The following DENND2B variants were observed in gnomAD, a reference collection of about 807,000 sequenced individuals.
The protein encoded by DENND2B is DENN domain-containing protein 2B.
Under a neutral mutation model 116.0 loss-of-function variants are expected in DENND2B, and 32 were observed. The ratio of observed to expected loss-of-function variants is 0.28; its 90% CI spans 0.21 to 0.37. The LOEUF (loss-of-function observed/expected upper bound fraction) is 0.37, where lower values mean the gene tolerates loss of function less well. Ranked by LOEUF, DENND2B falls within the 10% of genes least tolerant of loss-of-function variation. DENND2B has a pLI of 1.00. For synonymous variants in DENND2B, 588 were observed against 583.9 expected (o/e 1.01, Z -0.10); for missense variants, 1,276 against 1,477.7 (o/e 0.86, Z 2.24).
At chr11:8,816,319 G>A (rs2061565753) in intron 4 of DENND2B, among the ~76,000 whole-genome samples, 1 of 152,170 alleles carries the variant, frequency 6.6e-6, no homozygotes, top group Non-Finnish European at 1.5e-5. Context: ...GCTGGGGTGG[G>A]AGAATTGCTT....
intron 1 of DENND2B, among the ~76,000 whole-genome samples, chr11:8,802,689 T>TTTTTCGCCACTGAGAAAAG (rs1565982588): frequency 4.6e-5 from 7 of 152,070 alleles, no homozygotes; most frequent in Non-Finnish European, 7.4e-5. Flanking sequence ...CAGAAAACAC[T>TTTTTCGCCACTGAGAAAAG]GGCATTTTTC....
Position 8,702,466 on chromosome 11 carries a change from C to G in DENND2B, c.2720+106G>C. 6.6e-7 allele frequency: 1 copy of G among 1,518,310 alleles called. No individual in the cohort carries two copies. Among genetic ancestry groups the G allele is most frequent in the African/African-American group, 1.4e-5 (1 of 72,642 alleles). 94.1% of individuals were successfully genotyped at this position (1,518,310 alleles called of 1,614,324 possible). A position where few individuals can be genotyped will look rare whatever the true frequency, so the allele number is the denominator to read the frequency against. On this transcript the variant is annotated intron_variant, in intron 14 of 19. Transcript: ENST00000313726. The surrounding 1 kb of genome is among the most constrained non-coding windows in gnomAD (Gnocchi z 4.6). ...CCATCTCCCTACGCACAGCCCCACT[C>G]CAGCACTGGTCTCCGGCGCCTGCTT...
At chr11:8,906,357 G>A (rs1298608599) in intron 1 of DENND2B, among the ~76,000 whole-genome samples, 15 of 150,864 alleles carry the variant, frequency 9.9e-5, no homozygotes, top group East Asian at 3.9e-4. Flanking sequence ...CTGCCACCAC[G>A]CCCAGCTAAT....
At chr11:8,810,710 T>C (rs1218548424), upstream of DENND2B, 1 of 152,242 alleles carries the variant, frequency 6.6e-6, no homozygotes, top group Non-Finnish European at 1.5e-5. Flanking sequence ...CCGGTTGTCA[T>C]GGAGACCCTG....
intron 2 of DENND2B, among the ~76,000 whole-genome samples, chr11:8,870,517 G>T (rs1038628587): frequency 1.3e-5 from 2 of 152,000 alleles, no homozygotes; most frequent in Admixed American, 6.5e-5. Flanking sequence ...GTATGTGTGT[G>T]TGTGTGTGCG....
intron 2 of DENND2B, among the ~76,000 whole-genome samples, chr11:8,865,430 C>A (rs1329735580): frequency 6.6e-6 from 1 of 152,058 alleles, no homozygotes; most frequent in Non-Finnish European, 1.5e-5. Context: ...CTGCATAAAA[C>A]AAAACACAAA....
intron 1 of DENND2B, among the ~76,000 whole-genome samples, chr11:8,889,042 T>C (rs1415008407): frequency 6.6e-6 from 1 of 152,056 alleles, no homozygotes; most frequent in East Asian, 1.9e-4. Flanking sequence ...AAGTTATAAA[T>C]AGAATTACCA....
chr11:8,729,856 T>TTGTAG, intron 3 of DENND2B, 94 bp downstream of exon 3: 4 of 1,499,932 alleles, frequency 2.7e-6, no homozygotes, highest in Non-Finnish European at 3.6e-6. Context: ...GAAGCACTAA[T>TTGTAG]GACTGCGACC....
chr11:8,697,123 G>A (rs1462807969), intron 17 of DENND2B, among the ~76,000 whole-genome samples: 2 of 152,138 alleles, frequency 1.3e-5, no homozygotes, highest in African/African-American at 4.8e-5. Flanking sequence ...AGCTGCAGAA[G>A]GCCAGAAACT....
chr11:8,784,801 G>A (rs1053865800), intron 1 of DENND2B, among the ~76,000 whole-genome samples: 1 of 151,036 alleles, frequency 6.6e-6, no homozygotes, highest in African/African-American at 2.4e-5. Flanking sequence ...TTGTGCCACT[G>A]CACTTCAGCC....
At chr11:8,694,981 G>A (rs1167236056) in intron 19 of DENND2B, among the ~76,000 whole-genome samples, 1 of 152,198 alleles carries the variant, frequency 6.6e-6, no homozygotes, top group Non-Finnish European at 1.5e-5. Flanking sequence ...AGGATCACGT[G>A]AGGCCAGAAG....
At chr11:8,862,032 G>A (rs1472806315) in intron 2 of DENND2B, among the ~76,000 whole-genome samples, 1 of 151,828 alleles carries the variant, frequency 6.6e-6, no homozygotes, top group African/African-American at 2.4e-5. Flanking sequence ...CACAGAAGGG[G>A]GAGGAAGGGA....
chr11:8,759,358 C>T (rs1436826181), intron 1 of DENND2B, among the ~76,000 whole-genome samples: 1 of 152,164 alleles, frequency 6.6e-6, no homozygotes, highest in Non-Finnish European at 1.5e-5. Context: ...GAAATGCAAG[C>T]ATTTGGAGGA....
chr11:8,784,086 G>C (rs943947554), intron 1 of DENND2B: 1 of 152,068 alleles, frequency 6.6e-6, no homozygotes, highest in Non-Finnish European at 1.5e-5. Context: ...AAGATTCTTG[G>C]GTAGAACTTC....
chr11:8,866,126 A>T (rs1199643018), intron 2 of DENND2B, among the ~76,000 whole-genome samples: 1 of 151,824 alleles, frequency 6.6e-6, no homozygotes, highest in Admixed American at 6.6e-5. Context: ...CGCCCAGCTA[A>T]TTTTTTGTAT....
At position 8,718,740 on chromosome 11, in the gene DENND2B, G is replaced by A. The variant is rs1046336829; in HGVS notation, c.1478-848C>T. Reference sequence around the variant, plus strand: ...CTAGTTCTAAAATCTCTGGCAGCGGGCATTGTATTGGCATTACCAGAAAAT... The same window carrying A: ...CTAGTTCTAAAATCTCTGGCAGCGGACATTGTATTGGCATTACCAGAAAAT... On this transcript the variant is annotated intron_variant, in intron 4 of 19. Transcript: ENST00000313726. 6.4e-6 allele frequency: 7 copies of A among 1,086,044 alleles called. No homozygotes were observed. In the Admixed American group the frequency reaches 3.3e-4, roughly 50 times the overall value. 67.3% of individuals were successfully genotyped at this position (1,086,044 alleles called of 1,614,324 possible). A position where few individuals can be genotyped will look rare whatever the true frequency, so the allele number is the denominator to read the frequency against.
intron 19 of DENND2B, 70 bp downstream of exon 19, chr11:8,695,393 C>A: frequency 1.4e-6 from 2 of 1,408,440 alleles, no homozygotes; most frequent in South Asian, 2.3e-5. Context: ...TTAGAGTATT[C>A]GGGAACACAA....
In DENND2B at chr11:8,702,724, C is replaced by T. The variant is rs1330444165; in HGVS notation, c.2572-4G>A. 3 of 1,610,782 alleles carry T rather than the reference C, an allele frequency of 1.9e-6. No homozygotes were observed. The highest frequency in any genetic ancestry group is 2.5e-6 in the Non-Finnish European group (3 of 1,178,432). The stretch of plus-strand genomic sequence containing the variant: ...TGGGCCGCCGCAGCTCTAACACCTG[C>T]AGGAGAGCGATGGGAAAGTGGGCCG... On this transcript the variant is annotated splice_polypyrimidine_tract_variant and splice_region_variant and intron_variant, in intron 13 of 19. Coordinates refer to ENST00000313726, the MANE Select transcript of DENND2B (RefSeq NM_213618.2). This position sits in a 1 kb window ranked among gnomAD's most constrained non-coding sequence, Gnocchi z 4.6.
chr11:8,719,542 CCTGA>C (rs1407023990), intron 4 of DENND2B, among the ~76,000 whole-genome samples: 1 of 152,190 alleles, frequency 6.6e-6, no homozygotes, highest in Non-Finnish European at 1.5e-5. Context: ...ATTCCAGAGC[CCTGA>C]CTAAGCGGAG....
Sources: allele counts gnomAD v4.1 joint callset (sites outside exome capture counted in the v4.1 genomes callset), GRCh38; gene constraint gnomAD v4.1.1; non-coding constraint Gnocchi (gnomAD v3.1); transcripts MANE v1.5; gene names NCBI Gene and HGNC (gene_info 2026-07-23, HGNC 2026-07-21).